Variants in ASPRV1 observed in about 807,000 individuals in gnomAD.
ASPRV1 encodes aspartic peptidase retroviral like 1, also known as retroviral-like aspartic protease 1.
ASPRV1 carries 7 observed loss-of-function variants against 11.0 expected under a neutral mutation model. The ratio of observed to expected loss-of-function variants is 0.64; its 90% CI spans 0.36 to 1.20. The LOEUF is 1.20. Ranked by LOEUF, ASPRV1 falls within the 50% of genes most tolerant of loss-of-function variation. ASPRV1 has a pLI of 0.02. For missense variants in ASPRV1, 299 were observed against 320.0 expected (o/e 0.93, Z 0.50); for synonymous variants, 136 against 138.4 (o/e 0.98, Z 0.12).
the ASPRV1 span, among the ~76,000 whole-genome samples, chr2:69,995,153 A>G: frequency 2.6e-5 from 4 of 151,832 alleles, no homozygotes; most frequent in Non-Finnish European, 5.9e-5. Context: ...TGGGAGGCCG[A>G]GGCAGGCAGA....
chr2:70,073,904 T>C, the ASPRV1 span, among the ~76,000 whole-genome samples: 9 of 151,794 alleles, frequency 5.9e-5, no homozygotes, highest in East Asian at 3.9e-4. Context: ...GAGGCCGAAA[T>C]GGGCAGATCA....
the ASPRV1 span, chr2:70,077,512 T>C: frequency 6.6e-6 from 1 of 152,320 alleles, no homozygotes; most frequent in Non-Finnish European, 1.5e-5. Flanking sequence ...ACACTTATTA[T>C]GAAACTTTTT....
chr2:69,981,509 TACACAAAGAA>T, the ASPRV1 span, among the ~76,000 whole-genome samples: 3 of 152,254 alleles, frequency 2.0e-5, no homozygotes, highest in African/African-American at 7.2e-5. Context: ...TATAAATTTT[TACACAAAGAA>T]ATATGTTTAT....
the ASPRV1 span, among the ~76,000 whole-genome samples, chr2:70,004,866 C>T: frequency 6.6e-6 from 1 of 152,142 alleles, no homozygotes; most frequent in African/African-American, 2.4e-5. Context: ...TTGTTACCTG[C>T]TCACTGGGGC....
chr2:70,007,963 G>A, the ASPRV1 span, among the ~76,000 whole-genome samples: 35 of 152,112 alleles, frequency 2.3e-4, no homozygotes, highest in Non-Finnish European at 4.7e-4. Context: ...AGTCTCCCGA[G>A]TAGCTGGGAC....
At chr2:70,015,072 C>G in the ASPRV1 span, among the ~76,000 whole-genome samples, 1 of 152,136 alleles carries the variant, frequency 6.6e-6, no homozygotes, top group African/African-American at 2.4e-5. Flanking sequence ...ATCAAAACCA[C>G]AAAGAATTAT....
chr2:69,988,875 C>T, the ASPRV1 span: 1 of 454,364 alleles, frequency 2.2e-6, no homozygotes, highest in South Asian at 1.6e-5. Context: ...AGCAAGAGGT[C>T]ACACACAGGT....
At chr2:70,064,445 T>C in the ASPRV1 span, among the ~76,000 whole-genome samples, 344 of 152,336 alleles carry the variant, frequency 2.3e-3, 2 homozygotes, top group African/African-American at 7.8e-3. Flanking sequence ...TGATAATTAA[T>C]GGCAATGCAT....
the ASPRV1 span, among the ~76,000 whole-genome samples, chr2:70,025,532 G>C: frequency 6.2e-3 from 951 of 152,330 alleles, 9 homozygotes; most frequent in African/African-American, 0.022. Flanking sequence ...TCTATCCATG[G>C]GGTGGGAGGA....
the ASPRV1 span, among the ~76,000 whole-genome samples, chr2:70,069,769 G>A: frequency 3.3e-5 from 5 of 152,216 alleles, no homozygotes; most frequent in East Asian, 9.6e-4. Flanking sequence ...GTTCATCAAA[G>A]GAGTCAGGTT....
chr2:70,068,474 G>A, the ASPRV1 span, among the ~76,000 whole-genome samples: 5 of 152,186 alleles, frequency 3.3e-5, no homozygotes, highest in Non-Finnish European at 5.9e-5. Context: ...GCTGGAGAAC[G>A]GGGGTTTCTA....
the ASPRV1 span, among the ~76,000 whole-genome samples, chr2:70,067,012 A>G: frequency 6.6e-6 from 1 of 152,208 alleles, no homozygotes; most frequent in African/African-American, 2.4e-5. Context: ...AGATGATGAT[A>G]ATAACAACTA....
chr2:70,018,202 T>G, the ASPRV1 span: 1 of 151,418 alleles, frequency 6.6e-6, no homozygotes, highest in Admixed American at 6.6e-5. Context: ...TACTTAGGAA[T>G]AAATTTAATC....
At chr2:69,998,479 C>T in the ASPRV1 span, among the ~76,000 whole-genome samples, 2 of 152,130 alleles carry the variant, frequency 1.3e-5, no homozygotes, top group Admixed American at 6.5e-5. Flanking sequence ...CAGTGGCTCA[C>T]GCCTGTAATC....
the ASPRV1 span, among the ~76,000 whole-genome samples, chr2:69,951,483 G>GTA: frequency 8.7e-3 from 757 of 86,902 alleles, 10 homozygotes; most frequent in African/African-American, 0.028. Context: ...GTGTGTGTGT[G>GTA]TATATCTATA....
chr2:69,966,999 G>A, the ASPRV1 span, among the ~76,000 whole-genome samples: 1 of 152,184 alleles, frequency 6.6e-6, no homozygotes, highest in Non-Finnish European at 1.5e-5. Context: ...TCTCCAGGTG[G>A]CTGGGCGCAC....
At chr2:70,061,416 A>C in the ASPRV1 span, among the ~76,000 whole-genome samples, 1 of 151,918 alleles carries the variant, frequency 6.6e-6, no homozygotes. Flanking sequence ...AAAACAAAAA[A>C]AAACCTAGGG....
chr2:69,958,978 G>T (rs1287105701), downstream of ASPRV1, among the ~76,000 whole-genome samples: 1 of 152,170 alleles, frequency 6.6e-6, no homozygotes, highest in Non-Finnish European at 1.5e-5. Flanking sequence ...GCCCAGGGAA[G>T]GGGCCTCGGT....
downstream of ASPRV1, among the ~76,000 whole-genome samples, chr2:69,955,930 C>T (rs1057147366): frequency 2.0e-5 from 3 of 151,866 alleles, no homozygotes; most frequent in Admixed American, 1.3e-4. Context: ...ATGCCAGTAG[C>T]AAGAAGCACA....
Sources: allele counts gnomAD v4.1 joint callset (sites outside exome capture counted in the v4.1 genomes callset), GRCh38; gene constraint gnomAD v4.1.1; transcripts MANE v1.5; gene names NCBI Gene and HGNC (gene_info 2026-07-23, HGNC 2026-07-21).